Variants in FOXP2 observed in about 807,000 individuals in gnomAD.
FOXP2 encodes the protein forkhead box P2.
A neutral mutation model predicts 115.8 loss-of-function variants in FOXP2; 12 were observed. That is an observed-to-expected ratio of 0.10 (90% CI 0.07 to 0.17). The LOEUF (loss-of-function observed/expected upper bound fraction) is 0.17. FOXP2 is among the 10% of genes least tolerant of loss of function. The probability of loss-of-function intolerance (pLI) is 1.00; values close to 1 mark genes in which losing one functional copy is unlikely to be tolerated. For synonymous variants in FOXP2, 328 were observed against 297.7 expected, an observed-to-expected ratio of 1.10 and a Z score of -1.05; for missense variants, 629 against 843.5, an observed-to-expected ratio of 0.75 and a Z score of 3.15.
chr7:114,585,560 C>T (rs760599968), intron 3 of FOXP2, among the ~76,000 whole-genome samples: 7 of 146,726 alleles, frequency 4.8e-5, no homozygotes, highest in African/African-American at 7.7e-5. Flanking sequence ...CTGTAGTAAA[C>T]GCTACTATTA....
intron 3 of FOXP2, among the ~76,000 whole-genome samples, chr7:114,544,192 T>C (rs1799812637): frequency 6.6e-6 from 1 of 152,054 alleles, no homozygotes; most frequent in South Asian, 2.1e-4. Context: ...AAAGGCCGTG[T>C]CTTGAGTGTG....
chr7:114,253,779 G>T (rs9691137), intron 1 of FOXP2, among the ~76,000 whole-genome samples: 11,385 of 152,192 alleles, frequency 0.075, 1,029 homozygotes, highest in African/African-American at 0.21. Context: ...ATTGGAGCAT[G>T]TAGTGCATTT....
intron 2 of FOXP2, among the ~76,000 whole-genome samples, chr7:114,494,065 A>T (rs1461013057): frequency 6.6e-6 from 1 of 152,072 alleles, no homozygotes; most frequent in Non-Finnish European, 1.5e-5. Context: ...ATTTTTAGAC[A>T]ATTAGAGGTA....
At chr7:114,505,832 C>T (rs1222861617) in intron 2 of FOXP2, among the ~76,000 whole-genome samples, 2 of 151,534 alleles carry the variant, frequency 1.3e-5, no homozygotes, top group Admixed American at 6.6e-5. Context: ...TGTATAAGGG[C>T]GGGGGTAGTT....
intron 2 of FOXP2, among the ~76,000 whole-genome samples, chr7:114,486,641 C>T (rs896103613): frequency 1.3e-5 from 2 of 152,196 alleles, no homozygotes; most frequent in Non-Finnish European, 2.9e-5. Flanking sequence ...AAATCAAAAG[C>T]AAGTCAGTTA....
chr7:114,387,720 T>A lies in FOXP2; in HGVS notation c.-10-38782T>A, dbSNP rs571657516. ...TATGAAAATATTCACAGTAAAAAAA[T>A]TCTTATAAATTATTACAAGATTTAC... On this transcript the variant is annotated intron_variant, in intron 2 of 17. Coordinates refer to the FOXP2 transcript ENST00000634411. Among the ~76,000 whole-genome samples, 4 of 152,278 alleles carry A rather than the reference T, an allele frequency of 2.6e-5. No homozygotes were observed. The East Asian group carries it at 7.7e-4, about 29-fold the overall frequency.
chr7:114,628,126 A>G (rs1804697017), intron 3 of FOXP2, among the ~76,000 whole-genome samples: 1 of 151,936 alleles, frequency 6.6e-6, no homozygotes, highest in Non-Finnish European at 1.5e-5. Flanking sequence ...CATATTTCCA[A>G]TTTTTTAATC....
chr7:114,313,649 G>A (rs1797200290), intron 2 of FOXP2, among the ~76,000 whole-genome samples: 1 of 100,806 alleles, frequency 9.9e-6, no homozygotes, highest in Non-Finnish European at 1.8e-5. Flanking sequence ...GGAGGCTGAG[G>A]CAGGAGAATG....
Position 114,318,120 on chromosome 7 carries a change from A to T in FOXP2, c.-11+30011A>T, listed in dbSNP as rs536361003. On this transcript the variant is annotated intron_variant, in intron 2 of 17. Coordinates refer to the FOXP2 transcript ENST00000634411. ...CTCATTTCTCATTAGAAAAAATTCT[A>T]ATTTTTCTCATTTTCCAATTTACTG... 3.3e-5 allele frequency among the ~76,000 whole-genome samples: 5 copies of T among 152,258 alleles called. No homozygotes were observed. The East Asian group carries it at 9.6e-4, about 29-fold the overall frequency.
chr7:114,150,038 T>C (rs928959989), intron 1 of FOXP2, among the ~76,000 whole-genome samples: 1 of 152,130 alleles, frequency 6.6e-6, no homozygotes, highest in African/African-American at 2.4e-5. Context: ...TTTTTAAATA[T>C]GTTAAACTGC....
rs370623085 is a variant in FOXP2 at position 114,426,720 on chromosome 7, G to A, written c.168+41G>A. On this transcript the variant is annotated intron_variant, in intron 2 of 16. Transcript: ENST00000350908. ...CTCAGTGCTTCCTTAAAACAAATAA[G>A]CTTGTTTTATTGAATATGAAAAATG... 4.4e-6 allele frequency: 7 copies of A among 1,591,736 alleles called. No homozygotes were observed. The African/African-American group carries it at 8.1e-5, about 18-fold the overall frequency.
intron 1 of FOXP2, among the ~76,000 whole-genome samples, chr7:114,425,903 C>A (rs1255658002): frequency 6.6e-6 from 1 of 151,610 alleles, no homozygotes; most frequent in Non-Finnish European, 1.5e-5. Flanking sequence ...GCAGCAGGAG[C>A]TTTTTCTTAA....
chr7:114,368,229 G>A (rs182098835), intron 2 of FOXP2, among the ~76,000 whole-genome samples: 2 of 152,094 alleles, frequency 1.3e-5, no homozygotes, highest in African/African-American at 4.8e-5. Flanking sequence ...AGTACTCCAT[G>A]GTATATAGAA....
chr7:114,484,004 TGACAGA>T (rs1796666571), intron 2 of FOXP2, among the ~76,000 whole-genome samples: 1 of 151,796 alleles, frequency 6.6e-6, no homozygotes, highest in South Asian at 2.1e-4. Flanking sequence ...ACTTTACAAT[TGACAGA>T]TATAAATCAC....
chr7:114,256,944 A>G (rs1401384585), intron 1 of FOXP2, among the ~76,000 whole-genome samples: 1 of 152,214 alleles, frequency 6.6e-6, no homozygotes, highest in Non-Finnish European at 1.5e-5. Context: ...AGAAACATCT[A>G]TGTTAAAATT....
intron 3 of FOXP2, among the ~76,000 whole-genome samples, chr7:114,551,936 A>C (rs1039752782): frequency 1.3e-5 from 2 of 152,164 alleles, no homozygotes; most frequent in African/African-American, 2.4e-5. Flanking sequence ...GTTCTATTTG[A>C]AAATAGCCTT....
At chr7:114,657,901 A>T (rs186059832) in intron 10 of FOXP2, among the ~76,000 whole-genome samples, 165 bp from the exon 11 acceptor site, 3 of 152,312 alleles carry the variant, frequency 2.0e-5, no homozygotes, top group Non-Finnish European at 2.9e-5. Context: ...TAGAGTTCTT[A>T]TGATACAATT....
At chr7:114,254,645 A>G (rs762096549) in intron 1 of FOXP2, among the ~76,000 whole-genome samples, 1 of 151,928 alleles carries the variant, frequency 6.6e-6, no homozygotes, top group Non-Finnish European at 1.5e-5. Context: ...CAGCTCCATC[A>G]GTTCATTTAA....
intron 2 of FOXP2, among the ~76,000 whole-genome samples, chr7:114,303,639 T>C (rs1160533329): frequency 6.6e-6 from 1 of 152,188 alleles, no homozygotes; most frequent in Non-Finnish European, 1.5e-5. Flanking sequence ...TGCTCACCAT[T>C]TTCTATTTGT....
Sources: gnomAD v4.1 joint callset for allele counts (sites outside exome capture counted in the v4.1 genomes callset) on GRCh38, gnomAD v4.1.1 for gene constraint, MANE v1.5 for transcripts, NCBI Gene and HGNC (gene_info 2026-07-23, HGNC 2026-07-21) for gene names.